Variants in CHD6 observed in about 807,000 individuals in gnomAD.
CHD6 encodes the protein chromodomain helicase DNA binding protein 6, also known as ATP-dependent chromatin remodeler CHD6.
A neutral mutation model predicts 276.9 loss-of-function variants in CHD6; 50 were observed. The ratio of observed to expected loss-of-function variants is 0.18; its 90% CI spans 0.14 to 0.23. The LOEUF (loss-of-function observed/expected upper bound fraction) is 0.23. CHD6 is among the 10% of genes least tolerant of loss of function. The pLI is 1.00. For missense variants in CHD6, 2,564 were observed against 3,365.8 expected (o/e 0.76, Z 5.89); for synonymous variants, 1,173 against 1,229.3 (o/e 0.95, Z 0.96).
At chr20:41,489,316 A>C (rs1040496466) in intron 12 of CHD6, among the ~76,000 whole-genome samples, 1 of 152,142 alleles carries the variant, frequency 6.6e-6, no homozygotes, top group East Asian at 1.9e-4. Context: ...GCACTTAAAA[A>C]CTTAAAGAGA....
intron 1 of CHD6, among the ~76,000 whole-genome samples, chr20:41,589,388 A>C (rs1260625503): frequency 6.6e-6 from 1 of 152,180 alleles, no homozygotes; most frequent in Non-Finnish European, 1.5e-5. Flanking sequence ...CAGGAGAAAG[A>C]AATAAAGGGT....
intron 4 of CHD6, among the ~76,000 whole-genome samples, chr20:41,513,737 C>T (rs2044177851): frequency 6.6e-6 from 1 of 152,170 alleles, no homozygotes; most frequent in Admixed American, 6.5e-5. Flanking sequence ...AACCATTTAT[C>T]AGCCAGCTCA....
At chr20:41,463,742 G>A (rs2042854460) in intron 17 of CHD6, among the ~76,000 whole-genome samples, 1 of 152,190 alleles carries the variant, frequency 6.6e-6, no homozygotes, top group Admixed American at 6.5e-5. Context: ...GGTGACCCTG[G>A]ATTGAATCCT....
intron 31 of CHD6, among the ~76,000 whole-genome samples, chr20:41,419,191 A>T (rs767431365): frequency 2.0e-5 from 3 of 152,152 alleles, no homozygotes; most frequent in African/African-American, 4.8e-5. Flanking sequence ...CTCGGTTTTT[A>T]TCTTAGCTAG....
chr20:41,423,039 G>T (rs2047245514), intron 30 of CHD6, among the ~76,000 whole-genome samples: 1 of 152,174 alleles, frequency 6.6e-6, no homozygotes, highest in African/African-American at 2.4e-5. Context: ...TTTCAAAAGG[G>T]TTCTCTATTG....
intron 30 of CHD6, among the ~76,000 whole-genome samples, 169 bp downstream of exon 30, chr20:41,423,323 T>C (rs1047804133): frequency 1.3e-5 from 2 of 152,254 alleles, no homozygotes; most frequent in African/African-American, 4.8e-5. Flanking sequence ...TTTTATTTTA[T>C]GAGGTGGACC....
chr20:41,509,495 C>G lies in CHD6; in HGVS notation c.852+3351G>C, dbSNP rs558538871. On this transcript the variant is annotated intron_variant, in intron 5 of 36. Transcript: ENST00000373233. ...GGCACTTATCCCCAGCTCGGAGGAG[C>G]AAGGAACTTTCGGGAGGAGGAAACA... 4.9e-4 allele frequency among the ~76,000 whole-genome samples: 75 copies of G among 152,196 alleles called. 1 individual carries two copies. The highest frequency in any genetic ancestry group is 1.6e-3 in the African/African-American group (67 of 41,530).
At chr20:41,549,532 T>C (rs2045111759) in intron 2 of CHD6, among the ~76,000 whole-genome samples, 2 of 138,552 alleles carry the variant, frequency 1.4e-5, no homozygotes, top group African/African-American at 2.8e-5. Flanking sequence ...TTAGGAGATA[T>C]ACCTAATGCT....
intron 1 of CHD6, among the ~76,000 whole-genome samples, chr20:41,567,190 T>C (rs12480036): frequency 0.13 from 20,178 of 152,138 alleles, 1,585 homozygotes; most frequent in East Asian, 0.18. Flanking sequence ...CCATCAGGTC[T>C]GGCCTATGTG....
chr20:41,403,343 C>T lies in CHD6; in HGVS notation c.*1250G>A, dbSNP rs376302098. On this transcript the variant is annotated 3_prime_UTR_variant, in exon 37 of 37. Coordinates refer to ENST00000373233, the MANE Select transcript of CHD6 (RefSeq NM_032221.5). The stretch of plus-strand genomic sequence containing the variant: ...TGAAGAGTGAGACCATCAGAAGGGA[C>T]GTTAACATGAAGGTGAAAGGACATG... 7 of 1,062,312 alleles carry T rather than the reference C, an allele frequency of 6.6e-6. No homozygotes were observed. Among genetic ancestry groups the T allele is most frequent in the South Asian group, 9.1e-5 (2 of 21,956 alleles). 65.8% of individuals were successfully genotyped at this position (1,062,312 alleles called of 1,614,324 possible). A position where few individuals can be genotyped will look rare whatever the true frequency, so the allele number is the denominator to read the frequency against.
In CHD6 at chr20:41,445,729, C is replaced by T. The variant is rs146549815; in HGVS notation, c.3813G>A (p.Glu1271=). The T allele has an allele frequency of 1.6e-3, 2,603 of 1,613,774 alleles. 43 individuals are homozygous for T. The highest frequency in any genetic ancestry group is 0.014 in the Middle Eastern group (85 of 6,060). Residue 1271 remains glutamate, a synonymous_variant, in exon 25 of 37, where the codon GAG becomes GAA. Transcript: ENST00000373233. Reference sequence around the variant, plus strand: ...CAGCATCCCACCAGTCCACTGGGATCTCCATGTAGTCGATGTCAGGCAGAG... The same window carrying T: ...CAGCATCCCACCAGTCCACTGGGATTTCCATGTAGTCGATGTCAGGCAGAG... The part of the protein sequence containing the change: ...DVPLPDIDYM[E]IPVDWWDAEA...
chr20:41,474,692 T>C (rs748818022), intron 16 of CHD6, among the ~76,000 whole-genome samples: 60 of 152,132 alleles, frequency 3.9e-4, no homozygotes, highest in Non-Finnish European at 2.8e-4. Context: ...TAAGGATAGA[T>C]AACCTAGGGG....
chr20:41,472,415 T>C (rs1333738384), intron 17 of CHD6, among the ~76,000 whole-genome samples: 1 of 152,078 alleles, frequency 6.6e-6, no homozygotes, highest in Non-Finnish European at 1.5e-5. Context: ...CCAAACTTCT[T>C]TTGATCAATC....
rs1182002868 is a variant in CHD6, at chr20:41,556,070, C to G, written c.-23-4710G>C. ...CTGGAGACCAGCCCGGCCAACACAG[C>G]GAAACCCCGTCTCCACCAAAAAAAT... On this transcript the variant is annotated intron_variant, in intron 1 of 36. Coordinates refer to ENST00000373233, the MANE Select transcript of CHD6 (RefSeq NM_032221.5). Among the ~76,000 whole-genome samples, 3 of 152,056 alleles carry G rather than the reference C, an allele frequency of 2.0e-5. No homozygotes were observed. In the East Asian group the frequency reaches 5.8e-4, roughly 29 times the overall value.
intron 1 of CHD6, among the ~76,000 whole-genome samples, chr20:41,561,011 T>C (rs1184465214): frequency 6.6e-6 from 1 of 152,164 alleles, no homozygotes; most frequent in Non-Finnish European, 1.5e-5. Flanking sequence ...ATTGGCTTCT[T>C]CCTATGGAAC....
chr20:41,535,600 T>G (rs73611299), intron 2 of CHD6, among the ~76,000 whole-genome samples: 3,363 of 152,256 alleles, frequency 0.022, 46 homozygotes, highest in South Asian at 0.04. Context: ...GGTTCACACC[T>G]GTAATACCAG....
chr20:41,488,643 G>C (rs374427546), intron 12 of CHD6, 39 bp from the exon 13 acceptor site: 362 of 1,580,722 alleles, frequency 2.3e-4, no homozygotes, highest in Non-Finnish European at 3.0e-4. Context: ...TTTACACCAT[G>C]GCTATAGAAT....
chr20:41,480,134 G>A (rs572285382), intron 16 of CHD6, among the ~76,000 whole-genome samples: 3 of 152,236 alleles, frequency 2.0e-5, no homozygotes, highest in South Asian at 4.1e-4. Context: ...TCCTGGAAGA[G>A]GTGCTCCAAC....
intron 1 of CHD6, among the ~76,000 whole-genome samples, chr20:41,600,088 C>T (rs928961417): frequency 2.6e-5 from 4 of 152,180 alleles, no homozygotes; most frequent in African/African-American, 4.8e-5. Flanking sequence ...CTTTGTGGCA[C>T]CGAGCACTTG....
Sources: gnomAD v4.1 joint callset for allele counts (sites outside exome capture counted in the v4.1 genomes callset) on GRCh38, gnomAD v4.1.1 for gene constraint, MANE v1.5 for transcripts, NCBI Gene and HGNC (gene_info 2026-07-23, HGNC 2026-07-21) for gene names.